The following HTR5A variants were observed in gnomAD, a reference collection of about 807,000 sequenced individuals.
HTR5A encodes 5-hydroxytryptamine receptor 5A.
HTR5A carries 21 observed loss-of-function variants against 24.3 expected under a neutral mutation model. That is an observed-to-expected ratio of 0.86 (90% CI 0.61 to 1.24). The LOEUF (loss-of-function observed/expected upper bound fraction) is 1.24, where lower values mean the gene tolerates loss of function less well. HTR5A is among the 50% of genes most tolerant of loss of function. The pLI is 0.00. For missense variants in HTR5A, 497 were observed against 489.5 expected (o/e 1.02, Z -0.15); for synonymous variants, 260 against 213.7 (o/e 1.22, Z -1.89).
intron 1 of HTR5A, among the ~76,000 whole-genome samples, chr7:155,081,531 C>T (rs747555946): frequency 3.3e-5 from 5 of 152,188 alleles, no homozygotes; most frequent in African/African-American, 1.2e-4. Context: ...ACTTTATGTG[C>T]ATTTCAGAGA....
At chr7:155,083,500 G>A (rs1795439712) in intron 1 of HTR5A, among the ~76,000 whole-genome samples, 3 of 152,208 alleles carry the variant, frequency 2.0e-5, no homozygotes, top group Admixed American at 6.5e-5. Context: ...AAGTGAACTG[G>A]AGAGCCTGAT....
chr7:155,084,668 T>C lies in HTR5A; in HGVS notation c.*181T>C, dbSNP rs140930929. 1.9e-4 allele frequency: 112 copies of C among 592,242 alleles called. 2 individuals are homozygous for C. In the African/African-American group the frequency reaches 1.9e-3, roughly 10 times the overall value. The allele number at this position is 592,242 out of a possible 1,614,324, so 36.7% of individuals were successfully genotyped here. A position where few individuals can be genotyped will look rare whatever the true frequency, so the allele number is the denominator to read the frequency against. Reference sequence around the variant, plus strand: ...TCCTCAGTAGGAATATGACTCCTCATAGAGTTACGGTGACATGATGTATCT... The same window carrying C: ...TCCTCAGTAGGAATATGACTCCTCACAGAGTTACGGTGACATGATGTATCT... On this transcript the variant is annotated 3_prime_UTR_variant, in exon 2 of 2. Transcript: ENST00000287907.
intron 1 of HTR5A, among the ~76,000 whole-genome samples, chr7:155,083,859 C>T (rs1478085163): frequency 6.6e-6 from 1 of 152,146 alleles, no homozygotes; most frequent in Non-Finnish European, 1.5e-5. Flanking sequence ...TGCCATGTTG[C>T]CTGCTCGTTT....
In HTR5A at chr7:155,071,042, G is replaced by A; in HGVS notation, c.143G>A (p.Gly48Asp). The change falls in exon 1 of 2, where the codon GGC becomes GAC. Residue 48 changes from glycine to aspartate, a missense_variant. By Grantham distance (94) the Gly-to-Asp change is moderately conservative (BLOSUM62 -1). Transcript: ENST00000287907. ...VFGVLILTLL[G>D]FLVAATFAWN... ...GGAGTGCTTATTCTCACCTTGCTGGGCTTTCTGGTGGCGGCGACGTTCGCC... is the reference window on the plus strand; with the variant it reads ...GGAGTGCTTATTCTCACCTTGCTGGACTTTCTGGTGGCGGCGACGTTCGCC... 1.2e-6 allele frequency: 2 copies of A among 1,610,768 alleles called. No homozygotes were observed. Among genetic ancestry groups the A allele is most frequent in the Non-Finnish European group, 1.7e-6 (2 of 1,180,028 alleles).
At chr7:155,072,684 C>A (rs767877564) in intron 1 of HTR5A, among the ~76,000 whole-genome samples, 1 of 152,172 alleles carries the variant, frequency 6.6e-6, no homozygotes, top group Non-Finnish European at 1.5e-5. Context: ...TTTAAGGAAG[C>A]ATATGGAGTG....
Position 155,070,861 on chromosome 7 carries a change from C to A in HTR5A, c.-39C>A. 4 of 1,564,278 alleles carry A rather than the reference C, an allele frequency of 2.6e-6. No homozygotes were observed. The highest frequency in any genetic ancestry group is 3.5e-6 in the Non-Finnish European group (4 of 1,158,808). Reference sequence around the variant, plus strand: ...GCCGCCTTAAGTCCTCCTGAACACCCCTTCTGCAAGTACCCCAGGGCGGTC... The same window carrying A: ...GCCGCCTTAAGTCCTCCTGAACACCACTTCTGCAAGTACCCCAGGGCGGTC... On this transcript the variant is annotated 5_prime_UTR_variant, in exon 1 of 2. Transcript: ENST00000287907.
At chr7:155,077,573 C>T (rs1021396868) in intron 1 of HTR5A, among the ~76,000 whole-genome samples, 2 of 151,384 alleles carry the variant, frequency 1.3e-5, no homozygotes, top group Admixed American at 1.3e-4. Flanking sequence ...AAATCATTCT[C>T]CTGCCTCAGC....
intron 1 of HTR5A, among the ~76,000 whole-genome samples, chr7:155,073,889 G>GTATATATATATATA (rs1169692099): frequency 1.0e-4 from 1 of 9,666 alleles, no homozygotes; most frequent in African/African-American, 1.5e-4. Flanking sequence ...ATATATATAT[G>GTATATATATATATA]TATATATATA....
chr7:155,076,612 A>G lies in HTR5A; in HGVS notation c.741+4972A>G, dbSNP rs187273070. The stretch of plus-strand genomic sequence containing the variant: ...TCCAAGTTCTGTCTGGAGCCAGGAC[A>G]CTTTAATTATAGAAATGCAGTTATG... On this transcript the variant is annotated intron_variant, in intron 1 of 1. Coordinates refer to ENST00000287907, the MANE Select transcript of HTR5A (RefSeq NM_024012.4). 3.3e-5 allele frequency among the ~76,000 whole-genome samples: 5 copies of G among 152,322 alleles called. No homozygotes were observed. The East Asian group carries it at 9.6e-4, about 29-fold the overall frequency.
rs1016528995 is a variant in HTR5A, at chr7:155,085,790, A to G, written c.*1303A>G. Reference sequence around the variant, plus strand: ...TGTAGTATATTGTATATAATAAATTATATCAATTAAGAGTTCAAACATAGG... The same window carrying G: ...TGTAGTATATTGTATATAATAAATTGTATCAATTAAGAGTTCAAACATAGG... On this transcript the variant is annotated 3_prime_UTR_variant, in exon 2 of 2. Transcript: ENST00000287907. 1 of 152,180 alleles carries G rather than the reference A, an allele frequency of 6.6e-6. No homozygotes were observed. Among genetic ancestry groups the G allele is most frequent in the African/African-American group, 2.4e-5 (1 of 41,472 alleles). 9.4% of individuals were successfully genotyped at this position (152,180 alleles called of 1,614,324 possible). A position where few individuals can be genotyped will look rare whatever the true frequency, so the allele number is the denominator to read the frequency against.
At chr7:155,081,053 A>G (rs1357071528) in intron 1 of HTR5A, among the ~76,000 whole-genome samples, 1 of 152,238 alleles carries the variant, frequency 6.6e-6, no homozygotes, top group Non-Finnish European at 1.5e-5. Flanking sequence ...TATCAGTTAT[A>G]GAACAATCAG....
At position 155,071,203 on chromosome 7, in the gene HTR5A, C is replaced by G. The variant is rs1217284119; in HGVS notation, c.304C>G (p.Leu102Val). The G allele has an allele frequency of 6.2e-7, 1 of 1,602,854 alleles. No individual in the cohort carries two copies. The change falls in exon 1 of 2, where the codon CTG (leucine) becomes GTG (valine). Residue 102 changes from leucine (L) to valine (V), a missense_variant. Physicochemically the swap from Leu to Val is conservative, Grantham distance 32. Coordinates refer to ENST00000287907, the MANE Select transcript of HTR5A (RefSeq NM_024012.4). ...CATGCCGCTGAGCCTGGTGCACGAG[C>G]TGTCCGGGCGCCGCTGGCAGCTAGG... Reference protein sequence around the residue: ...LVMPLSLVHELSGRRWQLGRR... With the variant: ...LVMPLSLVHEVSGRRWQLGRR...
rs1795287153 is a variant in HTR5A, at chr7:155,071,127, C to T, written c.228C>T (p.His76=). The T allele has an allele frequency of 6.2e-7, 1 of 1,605,752 alleles. No individual in the cohort carries two copies. The highest frequency in any genetic ancestry group is 2.2e-5 in the East Asian group (1 of 44,868). ...TACGCACCTTCCACCGCGTGCCCCA[C>T]AACCTGGTGGCATCCATGGCCGTCT... ...LRVRTFHRVP[H]NLVASMAVSD... Residue 76 remains histidine (H), a synonymous_variant, in exon 1 of 2, where the codon CAC becomes CAT. Transcript: ENST00000287907.
At chr7:155,076,851 C>T (rs1013374276) in intron 1 of HTR5A, among the ~76,000 whole-genome samples, 2 of 152,154 alleles carry the variant, frequency 1.3e-5, no homozygotes, top group South Asian at 2.1e-4. Flanking sequence ...TGAATTGATG[C>T]CTGTAATTTC....
At chr7:155,082,861 G>A (rs1471652863) in intron 1 of HTR5A, among the ~76,000 whole-genome samples, 1 of 152,150 alleles carries the variant, frequency 6.6e-6, no homozygotes, top group Admixed American at 6.5e-5. Flanking sequence ...TACAGAAAGT[G>A]AGATTTTCAA....
In HTR5A at chr7:155,071,548, C is replaced by T; in HGVS notation, c.649C>T (p.Leu217Phe). ...CTTCTACCTGCCGCTCTGTGTGGTG[C>T]TCTTCGTGTACTGGAAGATCTACAA... ...GAFYLPLCVVLFVYWKIYKAA... is the reference protein window; with the variant it reads ...GAFYLPLCVVFFVYWKIYKAA... Residue 217 changes from leucine (L) to phenylalanine (F), a missense_variant, in exon 1 of 2, where the codon CTC (leucine) becomes TTC (phenylalanine). Leu to Phe is a conservative substitution (Grantham distance 22). Transcript: ENST00000287907. The T allele has an allele frequency of 1.2e-6, 2 of 1,614,208 alleles. No individual in the cohort carries two copies. The highest frequency in any genetic ancestry group is 1.7e-6 in the Non-Finnish European group (2 of 1,180,048).
chr7:155,073,887 A>ATATGCG (rs1554519624), intron 1 of HTR5A, among the ~76,000 whole-genome samples: 2 of 124,466 alleles, frequency 1.6e-5, no homozygotes, highest in Non-Finnish European at 3.3e-5. Context: ...GTATATATAT[A>ATATGCG]TGTATATATA....
In HTR5A at chr7:155,087,145, A is replaced by C. The variant is rs1795485899; in HGVS notation, c.*2658A>C. On this transcript the variant is annotated 3_prime_UTR_variant, in exon 2 of 2. Coordinates refer to ENST00000287907, the MANE Select transcript of HTR5A (RefSeq NM_024012.4). The stretch of plus-strand genomic sequence containing the variant: ...AGGTCACTATCAGTTTTATATTTTC[A>C]TTGTGCGGTAGTGAAAGACAAGTGG... Among the ~76,000 whole-genome samples the C allele has an allele frequency of 6.6e-6, 1 of 152,032 alleles. No homozygotes were observed. The highest frequency in any genetic ancestry group is 1.5e-5 in the Non-Finnish European group (1 of 67,976).
rs1305545076 is a variant in HTR5A at position 155,087,029 on chromosome 7, T to C, written c.*2542T>C. Among the ~76,000 whole-genome samples the C allele has an allele frequency of 6.6e-5, 10 of 152,112 alleles. No homozygotes were observed. In the South Asian group the frequency reaches 1.0e-3, roughly 16 times the overall value. On this transcript the variant is annotated 3_prime_UTR_variant, in exon 2 of 2. Transcript: ENST00000287907. ...CCCTCCTTTCAGCTCTTGTAGAATA[T>C]GTCGAACAAAACGCACAGTTCTGCC... is the stretch of plus-strand genomic sequence containing the variant.
Sources: gnomAD v4.1 joint callset for allele counts (sites outside exome capture counted in the v4.1 genomes callset) on GRCh38, gnomAD v4.1.1 for gene constraint, MANE v1.5 for transcripts, NCBI Gene and HGNC (gene_info 2026-07-23, HGNC 2026-07-21) for gene names.